The following KAZN variants were observed in gnomAD, a reference collection of about 807,000 sequenced individuals.
The protein encoded by KAZN is kazrin.
Under a neutral mutation model 87.4 loss-of-function variants are expected in KAZN, and 40 were observed. That is an observed-to-expected ratio of 0.46 (90% CI 0.36 to 0.60). The LOEUF (loss-of-function observed/expected upper bound fraction) is 0.60. KAZN is among the 20% of genes least tolerant of loss of function. KAZN has a pLI of 0.00. For missense variants in KAZN, 898 were observed against 1,073.9 expected (o/e 0.84, Z 2.29); for synonymous variants, 466 against 458.3 (o/e 1.02, Z -0.22).
chr1:14,928,886 G>A (rs906280137), intron 1 of KAZN, among the ~76,000 whole-genome samples: 6 of 152,218 alleles, frequency 3.9e-5, no homozygotes, highest in African/African-American at 1.4e-4. Flanking sequence ...CCTCCACCCT[G>A]TGTTGTGGTC....
chr1:13,935,129 C>T (rs1024553608), intron 1 of KAZN, among the ~76,000 whole-genome samples: 20 of 152,002 alleles, frequency 1.3e-4, no homozygotes, highest in East Asian at 3.9e-4. Context: ...CCCAGCTACT[C>T]GGGAGGCTGA....
chr1:13,987,276 GC>G (rs1409580452), intron 1 of KAZN, among the ~76,000 whole-genome samples: 2 of 151,964 alleles, frequency 1.3e-5, no homozygotes, highest in African/African-American at 4.8e-5. Flanking sequence ...TAGGTTTTAA[GC>G]CCCGCATGCA....
intron 2 of KAZN, among the ~76,000 whole-genome samples, chr1:14,373,105 G>A (rs1660634712): frequency 6.6e-6 from 1 of 151,922 alleles, no homozygotes; most frequent in Admixed American, 6.6e-5. Flanking sequence ...CTGGAGGTAG[G>A]TAGTACTGAA....
chr1:14,086,276 G>C (rs1643851583), intron 1 of KAZN, among the ~76,000 whole-genome samples: 1 of 152,182 alleles, frequency 6.6e-6, no homozygotes, highest in South Asian at 2.1e-4. Flanking sequence ...ATGGTGGTTT[G>C]CATTACCTAT....
chr1:14,190,426 T>A (rs1646399532), intron 2 of KAZN, among the ~76,000 whole-genome samples: 1 of 152,168 alleles, frequency 6.6e-6, no homozygotes, highest in Non-Finnish European at 1.5e-5. Context: ...GAAATTTATT[T>A]AAAGCCACAT....
chr1:14,018,343 A>C (rs1486014264), intron 1 of KAZN, among the ~76,000 whole-genome samples: 1 of 152,208 alleles, frequency 6.6e-6, no homozygotes, highest in Non-Finnish European at 1.5e-5. Context: ...AAATTTACTG[A>C]CAAGCAAAAT....
chr1:14,820,107 T>A lies in KAZN; in HGVS notation c.227-140577T>A, dbSNP rs1271461396. On this transcript the variant is annotated intron_variant, in intron 1 of 14. Transcript: ENST00000376030. The surrounding 1 kb of genome is among the most constrained non-coding windows in gnomAD (Gnocchi z 4.1). Reference sequence around the variant, plus strand: ...GTGCTCAGGAATCACCTGGAGAATTTGTGAATTTATGAAAACAGTTTCCTG... The same window carrying A: ...GTGCTCAGGAATCACCTGGAGAATTAGTGAATTTATGAAAACAGTTTCCTG... Among the ~76,000 whole-genome samples, 1 of 152,190 alleles carries A rather than the reference T, an allele frequency of 6.6e-6. No individual in the cohort carries two copies. Among genetic ancestry groups the A allele is most frequent in the African/African-American group, 2.4e-5 (1 of 41,442 alleles).
chr1:13,948,526 G>A (rs1641229422), intron 1 of KAZN, among the ~76,000 whole-genome samples: 1 of 152,128 alleles, frequency 6.6e-6, no homozygotes, highest in African/African-American at 2.4e-5. Context: ...AAATTACCCA[G>A]TCTCTGGTAT....
chr1:14,101,922 T>C (rs79955793), intron 1 of KAZN, among the ~76,000 whole-genome samples: 3,070 of 152,286 alleles, frequency 0.02, 90 homozygotes, highest in South Asian at 0.066. Context: ...GTAACATGCT[T>C]TGATAACTAA....
intron 1 of KAZN, among the ~76,000 whole-genome samples, chr1:14,087,005 TC>T (rs1643873978): frequency 6.6e-6 from 1 of 152,226 alleles, no homozygotes; most frequent in Non-Finnish European, 1.5e-5. Context: ...TTTTTGCTAT[TC>T]TAAGTCCTTT....
At chr1:14,752,377 A>T (rs777493144) in intron 1 of KAZN, among the ~76,000 whole-genome samples, 112 of 152,188 alleles carry the variant, frequency 7.4e-4, no homozygotes, top group Non-Finnish European at 1.6e-3. Context: ...GAGGGAACTG[A>T]CTTGTCTAAG....
chr1:15,074,461 T>C (rs1573254780), intron 8 of KAZN, among the ~76,000 whole-genome samples: 1 of 152,078 alleles, frequency 6.6e-6, no homozygotes, highest in African/African-American at 2.4e-5. Flanking sequence ...TCCTCATGGG[T>C]GTCCCCCGGC....
intron 1 of KAZN, among the ~76,000 whole-genome samples, chr1:14,733,675 G>A (rs1643785708): frequency 2.0e-5 from 3 of 152,140 alleles, no homozygotes; most frequent in South Asian, 4.1e-4. Context: ...TGGGGACTCG[G>A]GGGTCATAGC....
At chr1:14,942,993 G>A (rs866379092) in intron 1 of KAZN, among the ~76,000 whole-genome samples, 7 of 128,296 alleles carry the variant, frequency 5.5e-5, no homozygotes, top group African/African-American at 2.4e-4. Context: ...TGTGAGCTGC[G>A]TGTGTGTGTG....
chr1:14,686,075 G>T (rs1199861403), intron 1 of KAZN, among the ~76,000 whole-genome samples: 1 of 151,996 alleles, frequency 6.6e-6, no homozygotes, highest in African/African-American at 2.4e-5. Context: ...TCTTTTGTTT[G>T]TTTTGTTTTT....
chr1:14,365,625 T>C (rs889477666), intron 2 of KAZN, among the ~76,000 whole-genome samples: 1 of 152,160 alleles, frequency 6.6e-6, no homozygotes, highest in Non-Finnish European at 1.5e-5. Flanking sequence ...GACTGTCCTG[T>C]GCATTGCAGG....
intron 1 of KAZN, among the ~76,000 whole-genome samples, chr1:14,928,453 A>G (rs943549278): frequency 7.8e-6 from 1 of 127,930 alleles, no homozygotes; most frequent in African/African-American, 3.6e-5. Flanking sequence ...AGTCTCAAAA[A>G]AAAAACAAAA....
At chr1:14,068,428 C>G (rs1422174740) in intron 1 of KAZN, among the ~76,000 whole-genome samples, 2 of 152,074 alleles carry the variant, frequency 1.3e-5, no homozygotes, top group African/African-American at 2.4e-5. Context: ...ACCTGGGGCA[C>G]TTTTAAAAAT....
intron 2 of KAZN, among the ~76,000 whole-genome samples, chr1:14,254,748 C>T (rs1052532768): frequency 4.6e-5 from 7 of 152,070 alleles, no homozygotes; most frequent in Admixed American, 2.0e-4. Context: ...TACGTTTCTG[C>T]AGGCTGCACA....
Sources: allele counts gnomAD v4.1 joint callset (sites outside exome capture counted in the v4.1 genomes callset), GRCh38; gene constraint gnomAD v4.1.1; non-coding constraint Gnocchi (gnomAD v3.1); transcripts MANE v1.5; gene names NCBI Gene and HGNC (gene_info 2026-07-23, HGNC 2026-07-21).